MTERF3: variants seen among roughly 807,000 people sequenced by gnomAD.
The protein encoded by MTERF3 is mitochondrial transcription termination factor 3.
A neutral mutation model predicts 40.5 loss-of-function variants in MTERF3; 40 were observed. The ratio of observed to expected loss-of-function variants is 0.99; its 90% CI spans 0.77 to 1.29. The LOEUF (loss-of-function observed/expected upper bound fraction) is 1.29, where lower values mean the gene tolerates loss of function less well. Ranked by LOEUF, MTERF3 falls within the 50% of genes most tolerant of loss-of-function variation. MTERF3 has a pLI of 0.00. For missense variants in MTERF3, 452 were observed against 478.2 expected, an observed-to-expected ratio of 0.95 and a Z score of 0.51; for synonymous variants, 158 against 166.6, an observed-to-expected ratio of 0.95 and a Z score of 0.40.
At position 96,257,050 on chromosome 8, in the gene MTERF3, A is replaced by T; in HGVS notation, c.399T>A (p.Ile133=). ...CTGGTGGCAATGGAGGGTCTGCAATAATCTGAATAGCCTCTTCCTCTGAAA... is the reference window on the plus strand; with the variant it reads ...CTGGTGGCAATGGAGGGTCTGCAATTATCTGAATAGCCTCTTCCTCTGAAA... The part of the protein sequence containing the change: ...QPISEEEAIQ[I]IADPPLPPAS... Residue 133 remains isoleucine, a synonymous_variant, in exon 3 of 8, where the codon ATT becomes ATA. Coordinates refer to ENST00000287025, the MANE Select transcript of MTERF3 (RefSeq NM_015942.5). The T allele has an allele frequency of 6.2e-7, 1 of 1,614,006 alleles. No individual in the cohort carries two copies. Among genetic ancestry groups the T allele is most frequent in the Non-Finnish European group, 8.5e-7 (1 of 1,179,904 alleles).
intron 3 of MTERF3, among the ~76,000 whole-genome samples, chr8:96,253,138 G>A (rs987849320): frequency 3.3e-5 from 5 of 151,970 alleles, no homozygotes; most frequent in African/African-American, 1.2e-4. Context: ...CATCAATCAG[G>A]GTCTAGCAGG....
chr8:96,247,172 C>T (rs1051466193), intron 4 of MTERF3, among the ~76,000 whole-genome samples: 4 of 152,126 alleles, frequency 2.6e-5, no homozygotes, highest in African/African-American at 9.7e-5. Context: ...GGGGTTTCAC[C>T]ATGTTGACCA....
intron 5 of MTERF3, 106 bp from the exon 6 acceptor site, chr8:96,246,037 C>T (rs1368221010): frequency 7.5e-6 from 8 of 1,060,068 alleles, no homozygotes; most frequent in Non-Finnish European, 4.1e-6. Context: ...AAAATATGAC[C>T]CAATCAGAAA....
chr8:96,244,477 T>C (rs1015125311), intron 6 of MTERF3, among the ~76,000 whole-genome samples: 4 of 152,132 alleles, frequency 2.6e-5, no homozygotes, highest in East Asian at 1.9e-4. Context: ...CTCAGCTTAC[T>C]GCAACCTCCG....
At chr8:96,250,862 T>C (rs1197148452) in intron 4 of MTERF3, 44 bp downstream of exon 4, 1 of 1,537,254 alleles carries the variant, frequency 6.5e-7, no homozygotes, top group African/African-American at 1.4e-5. Flanking sequence ...ATTTCCTTCA[T>C]AACCACTTCT....
chr8:96,250,904 A>AC lies in MTERF3; in HGVS notation c.677+1dup. 6.2e-7 allele frequency: 1 copy of AC among 1,601,676 alleles called. No individual in the cohort carries two copies. Among genetic ancestry groups the AC allele is most frequent in the Non-Finnish European group, 8.5e-7 (1 of 1,177,080 alleles). ...ATATGAGAATCCTTTTAAAAGTCCT[A>AC]CCTGGTCTTCAGATTTTCAAGGTCT... On this transcript the variant is annotated splice_donor_variant, in intron 4 of 7. Transcript: ENST00000287025. LOFTEE classifies it high-confidence loss of function.
intron 3 of MTERF3, among the ~76,000 whole-genome samples, chr8:96,255,634 C>T (rs1810265326): frequency 7.2e-6 from 1 of 138,014 alleles, no homozygotes. Flanking sequence ...GAGACCCAGT[C>T]TGAAGAAAAA....
At chr8:96,241,869 G>A (rs1452465836) in intron 7 of MTERF3, among the ~76,000 whole-genome samples, 2 of 152,204 alleles carry the variant, frequency 1.3e-5, no homozygotes, top group African/African-American at 4.8e-5. Context: ...AGGGGAGAGT[G>A]AAGGTTTCGG....
chr8:96,256,947 T>C lies in MTERF3; in HGVS notation c.487+15A>G, dbSNP rs772639671. ...GAGTACATGCAAAAAGTACTTGTAG[T>C]TTAGTCAAACTTACCTAGAAGAACC... is the stretch of plus-strand genomic sequence containing the variant. On this transcript the variant is annotated intron_variant, in intron 3 of 7. Coordinates refer to ENST00000287025, the MANE Select transcript of MTERF3 (RefSeq NM_015942.5). 6.3e-7 allele frequency: 1 copy of C among 1,588,264 alleles called. No individual in the cohort carries two copies. Among genetic ancestry groups the C allele is most frequent in the Non-Finnish European group, 8.5e-7 (1 of 1,171,802 alleles).
intron 7 of MTERF3, among the ~76,000 whole-genome samples, chr8:96,240,116 C>T (rs1225251388): frequency 6.6e-6 from 1 of 152,170 alleles, no homozygotes; most frequent in South Asian, 2.1e-4. Flanking sequence ...GGCGTGGTGG[C>T]GCATGCCTGT....
Position 96,258,602 on chromosome 8 carries a change from A to T in MTERF3, c.89T>A (p.Phe30Tyr), listed in dbSNP as rs771292484. ...LINAAQLTKR[F>Y]TRPARTLLHG... ...TAACAGTGTTCTTGCTGGTCTAGTAAAACGTTTTGTGAGTTGTGCAGCATT... is the reference window on the plus strand; with the variant it reads ...TAACAGTGTTCTTGCTGGTCTAGTATAACGTTTTGTGAGTTGTGCAGCATT... Residue 30 changes from phenylalanine (F) to tyrosine (Y), a missense_variant, in exon 2 of 8, where the codon TTT becomes TAT. Physicochemically the swap from Phe to Tyr is conservative, Grantham distance 22. Transcript: ENST00000287025. 28 of 1,614,158 alleles carry T rather than the reference A, an allele frequency of 1.7e-5. No individual in the cohort carries two copies. The highest frequency in any genetic ancestry group is 3.3e-4 in the Middle Eastern group (2 of 6,062).
At chr8:96,240,911 T>G (rs1809915583) in intron 7 of MTERF3, among the ~76,000 whole-genome samples, 1 of 151,548 alleles carries the variant, frequency 6.6e-6, no homozygotes, top group South Asian at 2.1e-4. Flanking sequence ...ATGAGAAGAG[T>G]GACTAAAAAA....
At position 96,244,265 on chromosome 8, in the gene MTERF3, C is replaced by A. The variant is rs543858506; in HGVS notation, c.898-185G>T. ...CTGGAACTACAGAGGAATGCCACCA[C>A]ACCTGGCTAATTCTTGTATTTTTAG... is the stretch of plus-strand genomic sequence containing the variant. On this transcript the variant is annotated intron_variant, in intron 6 of 7. Coordinates refer to ENST00000287025, the MANE Select transcript of MTERF3 (RefSeq NM_015942.5). 2.6e-5 allele frequency among the ~76,000 whole-genome samples: 4 copies of A among 152,076 alleles called. No homozygotes were observed. The South Asian group carries it at 8.3e-4, about 32-fold the overall frequency.
intron 4 of MTERF3, 121 bp downstream of exon 4, chr8:96,250,784 CA>C (rs144208498): frequency 2.2e-5 from 18 of 830,284 alleles, no homozygotes; most frequent in African/African-American, 3.9e-5. Flanking sequence ...AGGTCTATAA[CA>C]AAAAAAATTC....
intron 6 of MTERF3, among the ~76,000 whole-genome samples, chr8:96,245,388 A>G (rs1432552688): frequency 5.3e-5 from 8 of 152,180 alleles, no homozygotes; most frequent in African/African-American, 1.9e-4. Flanking sequence ...AGAGCTGGCA[A>G]TTGGGACAGG....
chr8:96,255,365 G>A (rs1259174859), intron 3 of MTERF3, among the ~76,000 whole-genome samples: 1 of 152,190 alleles, frequency 6.6e-6, no homozygotes, highest in African/African-American at 2.4e-5. Flanking sequence ...TAGGCCGAGT[G>A]CGGTGGCTCA....
At chr8:96,250,412 A>C (rs928823340) in intron 4 of MTERF3, among the ~76,000 whole-genome samples, 2 of 147,932 alleles carry the variant, frequency 1.4e-5, no homozygotes, top group Non-Finnish European at 3.0e-5. Context: ...AGTTGAAAAC[A>C]TAAAAATAAT....
chr8:96,244,137 A>G (rs1809979632), intron 6 of MTERF3, 57 bp from the exon 7 acceptor site: 2 of 1,477,570 alleles, frequency 1.4e-6, no homozygotes, highest in African/African-American at 1.4e-5. Context: ...TTTTGGTACC[A>G]TGGCAAGGCT....
At chr8:96,247,030 TG>T (rs1397206035) in intron 4 of MTERF3, among the ~76,000 whole-genome samples, 10 of 152,164 alleles carry the variant, frequency 6.6e-5, no homozygotes, top group African/African-American at 2.4e-4. Context: ...TGGAGTGCAG[TG>T]GCATGATCTG....
Sources: allele counts gnomAD v4.1 joint callset (sites outside exome capture counted in the v4.1 genomes callset), GRCh38; gene constraint gnomAD v4.1.1; transcripts MANE v1.5; gene names NCBI Gene and HGNC (gene_info 2026-07-23, HGNC 2026-07-21).